Variants in NBEAL1 observed in about 807,000 individuals in gnomAD.
NBEAL1 encodes neurobeachin like 1.
A neutral mutation model predicts 351.3 loss-of-function variants in NBEAL1; 273 were observed. The ratio of observed to expected loss-of-function variants is 0.78; its 90% confidence interval spans 0.70 to 0.86. The LOEUF (loss-of-function observed/expected upper bound fraction) is 0.86. NBEAL1 is among the 40% of genes least tolerant of loss of function. The probability of loss-of-function intolerance (pLI) is 0.00; values close to 1 mark genes in which losing one functional copy is unlikely to be tolerated. For missense variants in NBEAL1, 2,961 were observed against 3,201.3 expected (o/e 0.92, Z 1.81); for synonymous variants, 1,050 against 1,086.4 (o/e 0.97, Z 0.66).
chr2:203,033,203 T>C (rs1002358480), intron 2 of NBEAL1, among the ~76,000 whole-genome samples: 1 of 152,084 alleles, frequency 6.6e-6, no homozygotes, highest in African/African-American at 2.4e-5. Context: ...GGTTTCACAG[T>C]GTTAGCCAGG....
chr2:203,171,199 A>C (rs756396280), intron 39 of NBEAL1, among the ~76,000 whole-genome samples: 3 of 152,234 alleles, frequency 2.0e-5, no homozygotes, highest in Non-Finnish European at 2.9e-5. Flanking sequence ...CAGAGGTCAC[A>C]GTGAGCTGAG....
intron 12 of NBEAL1, 122 bp from the exon 13 acceptor site, chr2:203,107,298 G>T: frequency 4.0e-6 from 2 of 504,186 alleles, no homozygotes; most frequent in Non-Finnish European, 7.0e-6. Context: ...GTGAATTCGT[G>T]TCTTTTTCTT....
At chr2:203,047,635 G>A (rs2061250523) in intron 3 of NBEAL1, among the ~76,000 whole-genome samples, 1 of 151,974 alleles carries the variant, frequency 6.6e-6, no homozygotes, top group Non-Finnish European at 1.5e-5. Flanking sequence ...CACAGGAATT[G>A]TCTACCCATT....
At chr2:203,166,004 G>A (rs2064118524) in intron 36 of NBEAL1, 145 bp from the exon 37 acceptor site, 2 of 626,668 alleles carry the variant, frequency 3.2e-6, no homozygotes, top group Non-Finnish European at 5.0e-6. Flanking sequence ...CCGACATTGT[G>A]CCACTGCACT....
intron 2 of NBEAL1, among the ~76,000 whole-genome samples, chr2:203,034,317 C>T (rs1249587573): frequency 1.3e-5 from 2 of 151,662 alleles, no homozygotes; most frequent in Non-Finnish European, 2.9e-5. Flanking sequence ...GCCACCATAT[C>T]CAGCTAATTT....
chr2:203,151,904 A>T (rs1216342833), intron 35 of NBEAL1, among the ~76,000 whole-genome samples: 2 of 152,128 alleles, frequency 1.3e-5, no homozygotes, highest in Admixed American at 1.3e-4. Context: ...TTGTTCATCA[A>T]GACTGAGGCT....
intron 12 of NBEAL1, 108 bp from the exon 13 acceptor site, chr2:203,107,312 T>C: frequency 3.8e-6 from 2 of 529,310 alleles, no homozygotes; most frequent in Non-Finnish European, 6.5e-6. Flanking sequence ...TTTTCTTTAT[T>C]TAATATTAAG....
intron 19 of NBEAL1, among the ~76,000 whole-genome samples, chr2:203,122,596 A>G (rs2062854563): frequency 6.6e-6 from 1 of 152,232 alleles, no homozygotes; most frequent in Non-Finnish European, 1.5e-5. Context: ...TTATAAAGTC[A>G]GTGAGAAAAA....
At chr2:203,057,752 A>AT (rs34066109) in intron 6 of NBEAL1, among the ~76,000 whole-genome samples, 131,137 of 151,694 alleles carry the variant, frequency 0.86, 58,184 homozygotes, top group Non-Finnish European at 0.96. Context: ...AAGAAAAGTT[A>AT]TTTTTTAAAA....
chr2:203,199,904 A>G (rs953606129), intron 49 of NBEAL1, among the ~76,000 whole-genome samples: 2 of 152,206 alleles, frequency 1.3e-5, no homozygotes, highest in Non-Finnish European at 2.9e-5. Context: ...AGTTTCCATA[A>G]TATGAGTTAT....
chr2:203,027,704 A>G (rs2060881804), intron 2 of NBEAL1, among the ~76,000 whole-genome samples: 2 of 152,186 alleles, frequency 1.3e-5, no homozygotes, highest in Admixed American at 6.5e-5. Context: ...AAAAATGAAA[A>G]ATATATGGAC....
At chr2:203,088,216 G>T (rs2062003577) in intron 10 of NBEAL1, among the ~76,000 whole-genome samples, 1 of 151,992 alleles carries the variant, frequency 6.6e-6, no homozygotes, top group South Asian at 2.1e-4. Context: ...AAATTATTAT[G>T]ATATATATTG....
chr2:203,195,847 A>G (rs2065226678), intron 47 of NBEAL1, among the ~76,000 whole-genome samples: 1 of 152,242 alleles, frequency 6.6e-6, no homozygotes, highest in Non-Finnish European at 1.5e-5. Context: ...TGACTAGCAC[A>G]TACCAAAATT....
At chr2:203,162,831 A>C (rs1446352846) in intron 36 of NBEAL1, among the ~76,000 whole-genome samples, 1 of 152,166 alleles carries the variant, frequency 6.6e-6, no homozygotes, top group Non-Finnish European at 1.5e-5. Flanking sequence ...TAAATAGAGC[A>C]GTGACCAAGT....
At chr2:203,067,419 A>G (rs904268300) in intron 6 of NBEAL1, among the ~76,000 whole-genome samples, 1 of 152,354 alleles carries the variant, frequency 6.6e-6, no homozygotes, top group East Asian at 1.9e-4. Context: ...TCTGGATCTT[A>G]GAACTCTCTA....
At position 203,135,703 on chromosome 2, in the gene NBEAL1, A is replaced by G. The variant is rs1416436673; in HGVS notation, c.3840A>G (p.Pro1280=). ...TTTTGCAAATTTTGCAGTTCCAGCC[A>G]GATGCAGCACATCAAATATCACAGC... is the stretch of plus-strand genomic sequence containing the variant. The part of the protein sequence containing the change: ...RKVLQILQFQ[P]DAAHQISQQV... The change falls in exon 28 of 56, where the codon CCA becomes CCG. Residue 1280 remains proline (P), a synonymous_variant. Transcript: ENST00000683969. 16 of 1,532,910 alleles carry G rather than the reference A, an allele frequency of 1.0e-5. No individual in the cohort carries two copies. The highest frequency in any genetic ancestry group is 1.4e-5 in the Non-Finnish European group (16 of 1,138,310). 95.0% of individuals were successfully genotyped at this position (1,532,910 alleles called of 1,614,324 possible). A position where few individuals can be genotyped will look rare whatever the true frequency, so the allele number is the denominator to read the frequency against.
chr2:203,132,143 G>T lies in NBEAL1; in HGVS notation c.3724+11G>T. 7.0e-7 allele frequency: 1 copy of T among 1,424,560 alleles called. No homozygotes were observed. The highest frequency in any genetic ancestry group is 9.5e-7 in the Non-Finnish European group (1 of 1,056,392). 88.2% of individuals were successfully genotyped at this position (1,424,560 alleles called of 1,614,324 possible). On this transcript the variant is annotated intron_variant, in intron 26 of 55. Coordinates refer to ENST00000683969, the MANE Select transcript of NBEAL1 (RefSeq NM_001378026.1). ...AAATCATAAATACAGGTATGAATAA[G>T]GCTAATAAAGCTAACATATTTAAGA... is the stretch of plus-strand genomic sequence containing the variant.
At chr2:203,105,701 T>C (rs1216572804) in intron 12 of NBEAL1, among the ~76,000 whole-genome samples, 3 of 152,222 alleles carry the variant, frequency 2.0e-5, no homozygotes, top group Non-Finnish European at 4.4e-5. Context: ...AGGTTATTTA[T>C]TGTTTGCCTA....
intron 26 of NBEAL1, 66 bp downstream of exon 26, chr2:203,132,198 C>T (rs1275491554): frequency 5.9e-6 from 6 of 1,014,432 alleles, no homozygotes; most frequent in Non-Finnish European, 8.5e-6. Context: ...TTTTTTCATA[C>T]CTTTCTCAGG....
Sources: gnomAD v4.1 joint callset for allele counts (sites outside exome capture counted in the v4.1 genomes callset) on GRCh38, gnomAD v4.1.1 for gene constraint, MANE v1.5 for transcripts, NCBI Gene and HGNC (gene_info 2026-07-23, HGNC 2026-07-21) for gene names.